Variants in VWA8 observed in about 807,000 individuals in gnomAD.
VWA8 encodes the protein von Willebrand factor A domain containing 8.
In VWA8, 221 loss-of-function variants were observed where a neutral mutation model predicts 241.5. That is an observed-to-expected ratio of 0.91 (90% CI 0.82 to 1.02). VWA8 has a LOEUF of 1.02. VWA8 is among the 50% of genes least tolerant of loss of function. The probability of loss-of-function intolerance (pLI) is 0.00; values close to 1 mark genes in which losing one functional copy is unlikely to be tolerated. For synonymous variants in VWA8, 852 were observed against 827.1 expected (o/e 1.03, Z -0.52); for missense variants, 2,322 against 2,328.7 (o/e 1.00, Z 0.06).
At chr13:41,633,905 G>C (rs944901260) in intron 37 of VWA8, among the ~76,000 whole-genome samples, 1 of 152,056 alleles carries the variant, frequency 6.6e-6, no homozygotes, top group Non-Finnish European at 1.5e-5. Context: ...AAAAAGACTA[G>C]AGTCCTGGAT....
rs779555506 is a variant in VWA8 at position 41,868,431 on chromosome 13, ATCTC to A, written c.1123_1126del (p.Glu375LeufsTer2). ...TTCCATCATCTTCTCTACTTTTACA[ATCTC>A]TTTAGGAAGTAGAGAGCTTCCTGAA... On this transcript the variant is annotated frameshift_variant, in exon 10 of 45. Coordinates refer to ENST00000379310, the MANE Select transcript of VWA8 (RefSeq NM_015058.2). LOFTEE classifies it high-confidence loss of function. The A allele has an allele frequency of 6.2e-7, 1 of 1,614,084 alleles. No homozygotes were observed. Among genetic ancestry groups the A allele is most frequent in the African/African-American group, 1.3e-5 (1 of 75,030 alleles).
At chr13:41,815,424 T>C (rs546688951) in intron 16 of VWA8, among the ~76,000 whole-genome samples, 1 of 152,328 alleles carries the variant, frequency 6.6e-6, no homozygotes, top group African/African-American at 2.4e-5. Flanking sequence ...ATGTGGAGAT[T>C]ATGTTGCACT....
chr13:41,641,988 C>T (rs1436490614), intron 37 of VWA8, among the ~76,000 whole-genome samples: 1 of 152,136 alleles, frequency 6.6e-6, no homozygotes, highest in East Asian at 1.9e-4. Context: ...CTTGCTGTGC[C>T]TACAATAGTT....
intron 1 of VWA8, chr13:41,956,022 G>C (rs1287954327): frequency 6.6e-6 from 1 of 152,230 alleles, no homozygotes; most frequent in African/African-American, 2.4e-5. Context: ...TTCACAAATT[G>C]TTCTGTGCTT....
In VWA8 at chr13:41,886,056, A is replaced by G. The variant is rs7322002; in HGVS notation, c.867-28T>C. On this transcript the variant is annotated intron_variant, in intron 7 of 44. Coordinates refer to ENST00000379310, the MANE Select transcript of VWA8 (RefSeq NM_015058.2). ...AAGGGAAAAATGATATTAAATTTTA[A>G]TAGTTTTAAAATATAAAATGTGTAA... 1.6e-3 allele frequency: 2,353 copies of G among 1,426,236 alleles called. 41 individuals are homozygous for G. In the African/African-American group the frequency reaches 0.03, roughly 18 times the overall value. 88.3% of individuals were successfully genotyped at this position (1,426,236 alleles called of 1,614,324 possible). A position where few individuals can be genotyped will look rare whatever the true frequency, so the allele number is the denominator to read the frequency against.
At chr13:41,640,709 CTTGT>C (rs1239631267) in intron 37 of VWA8, among the ~76,000 whole-genome samples, 2 of 152,184 alleles carry the variant, frequency 1.3e-5, no homozygotes, top group Non-Finnish European at 2.9e-5. Flanking sequence ...CAATCTCTGA[CTTGT>C]TTATGTTCAA....
At chr13:41,924,925 C>A (rs978351332) in intron 2 of VWA8, among the ~76,000 whole-genome samples, 1 of 152,146 alleles carries the variant, frequency 6.6e-6, no homozygotes, top group African/African-American at 2.4e-5. Flanking sequence ...GCTTAAAAGT[C>A]TCCAAACAGA....
chr13:41,691,235 A>T, intron 32 of VWA8, 85 bp downstream of exon 32: 1 of 1,473,068 alleles, frequency 6.8e-7, no homozygotes. Flanking sequence ...GACACAGGAA[A>T]GACAGAACAG....
chr13:41,928,657 T>C (rs1342736043), intron 2 of VWA8, among the ~76,000 whole-genome samples: 2 of 152,034 alleles, frequency 1.3e-5, no homozygotes. Context: ...TCTGAACAGT[T>C]GAACGTTATG....
chr13:41,799,890 T>C (rs981357146), intron 17 of VWA8, among the ~76,000 whole-genome samples: 2 of 152,136 alleles, frequency 1.3e-5, no homozygotes, highest in Non-Finnish European at 2.9e-5. Flanking sequence ...AGAACATTTT[T>C]CTTACCTAAA....
At chr13:41,747,402 C>T (rs997340716) in intron 21 of VWA8, among the ~76,000 whole-genome samples, 2 of 152,252 alleles carry the variant, frequency 1.3e-5, no homozygotes, top group Middle Eastern at 6.8e-3. Flanking sequence ...CTGTGTTTAT[C>T]TGTTATTGGT....
intron 40 of VWA8, among the ~76,000 whole-genome samples, chr13:41,598,432 A>G (rs2044501763): frequency 6.6e-6 from 1 of 152,078 alleles, no homozygotes; most frequent in South Asian, 2.1e-4. Context: ...TTTAAAAAAT[A>G]TATTTACCAC....
At chr13:41,876,149 C>A (rs1304474451) in intron 9 of VWA8, among the ~76,000 whole-genome samples, 1 of 152,098 alleles carries the variant, frequency 6.6e-6, no homozygotes, top group Non-Finnish European at 1.5e-5. Flanking sequence ...TGGATTACTA[C>A]AACAGTCTAC....
chr13:41,715,111 T>C (rs2045340099), intron 26 of VWA8, among the ~76,000 whole-genome samples: 1 of 151,926 alleles, frequency 6.6e-6, no homozygotes, highest in South Asian at 2.1e-4. Context: ...CAAGATGCAA[T>C]AATATTATAT....
chr13:41,937,447 G>T (rs1367597589), intron 2 of VWA8, among the ~76,000 whole-genome samples: 1 of 152,088 alleles, frequency 6.6e-6, no homozygotes, highest in Non-Finnish European at 1.5e-5. Context: ...TAGATCCATT[G>T]TATGCACAGT....
intron 17 of VWA8, among the ~76,000 whole-genome samples, chr13:41,810,677 T>C (rs1310038661): frequency 6.6e-6 from 1 of 152,024 alleles, no homozygotes; most frequent in Non-Finnish European, 1.5e-5. Context: ...AAAACATAGA[T>C]AGAATGAAGA....
At chr13:41,757,143 G>GA (rs964725716) in intron 21 of VWA8, among the ~76,000 whole-genome samples, 14 of 148,866 alleles carry the variant, frequency 9.4e-5, no homozygotes, top group South Asian at 2.1e-4. Flanking sequence ...TAAAGGAGAG[G>GA]AAAAAAAAAG....
chr13:41,927,310 A>G, intron 2 of VWA8: 1 of 527,120 alleles, frequency 1.9e-6, no homozygotes, highest in Non-Finnish European at 3.9e-6. Flanking sequence ...TGTAGCAACC[A>G]CTGATATGCT....
At chr13:41,620,157 G>A (rs1435426950) in intron 37 of VWA8, among the ~76,000 whole-genome samples, 1 of 152,080 alleles carries the variant, frequency 6.6e-6, no homozygotes, top group Admixed American at 6.5e-5. Flanking sequence ...GCCTGTTATT[G>A]GTCTATTCAG....
Sources: allele counts gnomAD v4.1 joint callset (sites outside exome capture counted in the v4.1 genomes callset), GRCh38; gene constraint gnomAD v4.1.1; transcripts MANE v1.5; gene names NCBI Gene and HGNC (gene_info 2026-07-23, HGNC 2026-07-21).